RIT2: variants seen among roughly 807,000 people sequenced by gnomAD.
The protein encoded by RIT2 is Ras like without CAAX 2.
RIT2 carries 24 observed loss-of-function variants against 23.7 expected under a neutral mutation model. The observed-to-expected ratio is 1.01, with a 90% CI of 0.73 to 1.43. RIT2 has a LOEUF of 1.43. RIT2 is among the 40% of genes most tolerant of loss of function. The pLI is 0.00. For missense variants in RIT2, 236 were observed against 266.9 expected (o/e 0.88, Z 0.81); for synonymous variants, 107 against 91.1 (o/e 1.17, Z -0.99).
At chr18:42,748,861 C>G (rs914092630) in intron 4 of RIT2, among the ~76,000 whole-genome samples, 1 of 151,760 alleles carries the variant, frequency 6.6e-6, no homozygotes, top group Admixed American at 6.6e-5. Flanking sequence ...CACAAGAAAA[C>G]TTTTTCATGC....
intron 3 of RIT2, among the ~76,000 whole-genome samples, chr18:42,969,777 C>G (rs1910319883): frequency 6.6e-6 from 1 of 151,656 alleles, no homozygotes; most frequent in African/African-American, 2.4e-5. Flanking sequence ...ATATATTTTG[C>G]TAGAGTTTCA....
chr18:43,045,104 C>A (rs1269050177), intron 1 of RIT2, among the ~76,000 whole-genome samples: 1 of 152,160 alleles, frequency 6.6e-6, no homozygotes, highest in East Asian at 1.9e-4. Flanking sequence ...TAAACCTCAT[C>A]TCCTTAGGTA....
intron 4 of RIT2, among the ~76,000 whole-genome samples, chr18:42,749,932 A>T (rs1335293202): frequency 6.6e-6 from 1 of 151,838 alleles, no homozygotes; most frequent in African/African-American, 2.4e-5. Flanking sequence ...CAATAGCAAA[A>T]ACGAGCAAAC....
chr18:42,903,670 A>G (rs779566085), intron 4 of RIT2, among the ~76,000 whole-genome samples: 5 of 152,106 alleles, frequency 3.3e-5, no homozygotes, highest in African/African-American at 4.8e-5. Context: ...AGGATGATAA[A>G]TCAAGTCCAG....
At chr18:43,104,303 T>C (rs1033751324) in intron 1 of RIT2, among the ~76,000 whole-genome samples, 1 of 152,050 alleles carries the variant, frequency 6.6e-6, no homozygotes, top group Non-Finnish European at 1.5e-5. Context: ...TGGGGAGAGT[T>C]TGGTTAACAG....
At chr18:42,794,627 T>C (rs1192032084) in intron 4 of RIT2, among the ~76,000 whole-genome samples, 1 of 152,206 alleles carries the variant, frequency 6.6e-6, no homozygotes, top group Non-Finnish European at 1.5e-5. Flanking sequence ...CTACTTCTGA[T>C]TTAAAAAAAT....
chr18:42,974,221 A>T (rs1910428241), intron 2 of RIT2, 74 bp from the exon 3 acceptor site: 1 of 913,790 alleles, frequency 1.1e-6, no homozygotes, highest in South Asian at 1.5e-5. Flanking sequence ...TTTCATATAG[A>T]AGAATTTCTA....
chr18:43,060,572 C>A (rs1598766409), intron 1 of RIT2, among the ~76,000 whole-genome samples: 1 of 152,168 alleles, frequency 6.6e-6, no homozygotes, highest in African/African-American at 2.4e-5. Flanking sequence ...AGCTGGACAC[C>A]AGTGATGGGA....
At chr18:42,768,763 G>T (rs1232715481) in intron 4 of RIT2, among the ~76,000 whole-genome samples, 2 of 151,840 alleles carry the variant, frequency 1.3e-5, no homozygotes, top group Non-Finnish European at 1.5e-5. Flanking sequence ...CATGGATAAG[G>T]TACATTTTAC....
Position 43,008,831 on chromosome 18 carries a change from C to G in RIT2, c.160+24980G>C, listed in dbSNP as rs376798987. ...GATAATTTATTTAAAGAAGTAGTAT[C>G]AATGTAATGTTTATTACAATAAATA... On this transcript the variant is annotated intron_variant, in intron 2 of 4. Transcript: ENST00000326695. Among the ~76,000 whole-genome samples the G allele has an allele frequency of 1.8e-4, 28 of 151,616 alleles. No individual in the cohort carries two copies. In the South Asian group the frequency reaches 4.8e-3, roughly 26 times the overall value.
intron 4 of RIT2, among the ~76,000 whole-genome samples, chr18:42,816,191 A>AC (rs906880684): frequency 1.3e-5 from 2 of 151,750 alleles, no homozygotes; most frequent in Admixed American, 6.6e-5. Context: ...TGGTATAAAT[A>AC]CCCCCCCATG....
chr18:43,113,056 T>A (rs2144255747), intron 1 of RIT2, among the ~76,000 whole-genome samples: 1 of 152,292 alleles, frequency 6.6e-6, no homozygotes, highest in East Asian at 1.9e-4. Context: ...ATCATGCCAC[T>A]GCACCCCAGC....
chr18:42,927,813 C>G (rs1436550778), intron 3 of RIT2, among the ~76,000 whole-genome samples: 1 of 151,994 alleles, frequency 6.6e-6, no homozygotes, highest in Non-Finnish European at 1.5e-5. Flanking sequence ...CTTTGATATA[C>G]TCCCTTGTAT....
At position 42,852,764 on chromosome 18, in the gene RIT2, C is replaced by CCTCT. The variant is rs202099501; in HGVS notation, c.426+70807_426+70808insAGAG. On this transcript the variant is annotated intron_variant, in intron 4 of 4. Transcript: ENST00000326695. ...ACTTTGTTTTCAGAATTTCTTCTTC[C>CCTCT]CTCCCTCCCTCCCTCTCTCCCTCCC... Among the ~76,000 whole-genome samples the CCTCT allele has an allele frequency of 2.1e-4, 29 of 138,954 alleles. 1 individual carries two copies. Among genetic ancestry groups the CCTCT allele is most frequent in the South Asian group, 7.9e-4 (3 of 3,778 alleles). The allele number at this position is 138,954 out of a possible 152,430, so 91.2% of individuals were successfully genotyped here.
intron 3 of RIT2, among the ~76,000 whole-genome samples, chr18:42,935,363 C>A (rs1458816936): frequency 6.6e-6 from 1 of 152,074 alleles, no homozygotes; most frequent in Non-Finnish European, 1.5e-5. Context: ...TAAGGGAATC[C>A]CCTATATCAC....
At chr18:42,895,926 A>C (rs1206533362) in intron 4 of RIT2, among the ~76,000 whole-genome samples, 2 of 152,196 alleles carry the variant, frequency 1.3e-5, no homozygotes, top group Non-Finnish European at 2.9e-5. Context: ...AACCAGGAAG[A>C]TGGGGGATGT....
chr18:42,964,271 G>A (rs1910160944), intron 3 of RIT2, among the ~76,000 whole-genome samples: 1 of 151,722 alleles, frequency 6.6e-6, no homozygotes, highest in Non-Finnish European at 1.5e-5. Flanking sequence ...AAATCATTAA[G>A]CCAAAGGGAA....
intron 3 of RIT2, among the ~76,000 whole-genome samples, chr18:42,967,176 A>C (rs777278080): frequency 1.1e-4 from 16 of 152,030 alleles, no homozygotes; most frequent in Admixed American, 2.0e-4. Flanking sequence ...TTCTCTCTCT[A>C]TATATATCTA....
chr18:42,788,261 G>A (rs1302124228), intron 4 of RIT2, among the ~76,000 whole-genome samples: 1 of 152,102 alleles, frequency 6.6e-6, no homozygotes, highest in Non-Finnish European at 1.5e-5. Context: ...AATATACGGA[G>A]AAAATCTGAG....
Sources: allele counts gnomAD v4.1 joint callset (sites outside exome capture counted in the v4.1 genomes callset), GRCh38; gene constraint gnomAD v4.1.1; transcripts MANE v1.5; gene names NCBI Gene and HGNC (gene_info 2026-07-23, HGNC 2026-07-21).